RAB33B: variants seen among roughly 807,000 people sequenced by gnomAD.
RAB33B encodes ras-related protein Rab-33B.
RAB33B carries 6 observed loss-of-function variants against 15.0 expected under a neutral mutation model. The ratio of observed to expected loss-of-function variants is 0.40; its 90% confidence interval spans 0.22 to 0.79. RAB33B has a LOEUF of 0.79. RAB33B is among the 30% of genes least tolerant of loss of function. The pLI, the probability that RAB33B is intolerant of heterozygous loss-of-function variation, is 0.37. For missense variants in RAB33B, 257 were observed against 296.4 expected (o/e 0.87, Z 0.98); for synonymous variants, 117 against 108.3 (o/e 1.08, Z -0.50).
At chr4:139,459,385 A>G (rs988272499) in intron 1 of RAB33B, among the ~76,000 whole-genome samples, 1 of 152,124 alleles carries the variant, frequency 6.6e-6, no homozygotes, top group Non-Finnish European at 1.5e-5. Context: ...CTAGTAAGCC[A>G]TGATCACACC....
chr4:139,450,286 T>C (rs1749893873), upstream of RAB33B: 1 of 152,248 alleles, frequency 6.6e-6, no homozygotes, highest in South Asian at 2.1e-4. Context: ...ATTAAAGCCC[T>C]AGTATGATGT....
upstream of RAB33B, chr4:139,448,863 A>G (rs529034759): frequency 6.6e-6 from 1 of 152,390 alleles, no homozygotes; most frequent in East Asian, 1.9e-4. Flanking sequence ...TAAGTGCACG[A>G]GTTTAAGTGC....
the RAB33B span, among the ~76,000 whole-genome samples, chr4:139,448,124 T>C: frequency 6.6e-6 from 1 of 152,198 alleles, no homozygotes; most frequent in East Asian, 1.9e-4. Context: ...TGTCTCTTAG[T>C]ATTACCATGC....
chr4:139,471,855 TTTA>T (rs1484989292), intron 1 of RAB33B, among the ~76,000 whole-genome samples: 2 of 152,250 alleles, frequency 1.3e-5, no homozygotes, highest in East Asian at 3.8e-4. Flanking sequence ...AGCTCTTAAA[TTTA>T]GGTCTTTGAT....
the RAB33B span, among the ~76,000 whole-genome samples, chr4:139,446,077 A>G: frequency 1.6e-4 from 25 of 152,198 alleles, no homozygotes; most frequent in African/African-American, 5.3e-4. Context: ...GCATTCCATC[A>G]TCAAATGGAA....
chr4:139,461,269 A>G (rs1436681693), intron 1 of RAB33B, among the ~76,000 whole-genome samples: 1 of 152,172 alleles, frequency 6.6e-6, no homozygotes, highest in Non-Finnish European at 1.5e-5. Flanking sequence ...GTGAATGGAA[A>G]GCAGGGGAGG....
the RAB33B span, among the ~76,000 whole-genome samples, chr4:139,441,323 C>A: frequency 1.3e-5 from 2 of 152,174 alleles, no homozygotes; most frequent in Admixed American, 6.5e-5. Flanking sequence ...AGGGGAGTTA[C>A]AGAGACACAT....
chr4:139,472,608 A>G (rs948292023), intron 1 of RAB33B, 78 bp from the exon 2 acceptor site: 1 of 1,048,918 alleles, frequency 9.5e-7, no homozygotes, highest in South Asian at 1.6e-5. Context: ...AATAAAGACA[A>G]TGCAAGATGA....
At position 139,473,890 on chromosome 4, in the gene RAB33B, G is replaced by A. The variant is rs886059081; in HGVS notation, c.*764G>A. On this transcript the variant is annotated 3_prime_UTR_variant, in exon 2 of 2. Transcript: ENST00000305626. ...TTATTATTTTAAAAGAGTTATTTGA[G>A]TTTCTTTCTTTCTTTTTTTTTTTTT... 28 of 142,808 alleles carry A rather than the reference G, an allele frequency of 2.0e-4. No individual in the cohort carries two copies. The highest frequency in any genetic ancestry group is 7.0e-4 in the African/African-American group (27 of 38,620). The allele number at this position is 142,808 out of a possible 1,614,324, so 8.8% of individuals were successfully genotyped here.
intron 1 of RAB33B, among the ~76,000 whole-genome samples, chr4:139,468,885 C>T (rs904268680): frequency 1.3e-5 from 2 of 152,228 alleles, no homozygotes; most frequent in Admixed American, 6.5e-5. Context: ...TCATGCCACT[C>T]TCTCCTGGCC....
upstream of RAB33B, chr4:139,450,609 A>C (rs764421060): frequency 3.9e-5 from 6 of 152,232 alleles, no homozygotes; most frequent in Non-Finnish European, 8.8e-5. Context: ...GATAAAATAA[A>C]CATCCTACAA....
At chr4:139,452,426 C>T (rs376872931), upstream of RAB33B, 4 of 152,162 alleles carry the variant, frequency 2.6e-5, no homozygotes, top group African/African-American at 9.7e-5. Context: ...TTTCACCATC[C>T]TTGAAATTCT....
intron 1 of RAB33B, among the ~76,000 whole-genome samples, chr4:139,458,374 TTATTTTGTCACCCACA>T (rs1339912636): frequency 2.6e-5 from 4 of 152,192 alleles, no homozygotes; most frequent in Admixed American, 2.6e-4. Context: ...GGTGTACAGA[TTATTTTGTCACCCACA>T]TATTTTGTCA....
chr4:139,468,192 CAA>C (rs1415546752), intron 1 of RAB33B, among the ~76,000 whole-genome samples: 1 of 152,164 alleles, frequency 6.6e-6, no homozygotes, highest in African/African-American at 2.4e-5. Flanking sequence ...TGGCAGCAGA[CAA>C]GAGAAGAGAG....
At chr4:139,454,109 G>T, upstream of RAB33B, 1 of 1,470,062 alleles carries the variant, frequency 6.8e-7, no homozygotes, top group Non-Finnish European at 9.1e-7. Flanking sequence ...CGAACTGGCC[G>T]GCTGGGCGCG....
Position 139,472,891 on chromosome 4 carries a change from TG to T in RAB33B, c.456del (p.Arg153GlufsTer41), listed in dbSNP as rs1309642185. On this transcript the variant is annotated frameshift_variant, in exon 2 of 2. Coordinates refer to ENST00000305626, the MANE Select transcript of RAB33B (RefSeq NM_031296.3). LOFTEE classifies it high-confidence loss of function. ...ATTCTTGTTGGAAATAAATGTGACTTGAGAAGTGCCATACAGGTACCCACAG... is the reference window on the plus strand; with the variant it reads ...ATTCTTGTTGGAAATAAATGTGACTTAGAAGTGCCATACAGGTACCCACAG... ...PRILVGNKCDLRSAIQVPTDL... is the reference protein window; with the variant it reads ...PRILVGNKCDXRSAIQVPTDL... 6.2e-7 allele frequency: 1 copy of T among 1,614,054 alleles called. No individual in the cohort carries two copies. Among genetic ancestry groups the T allele is most frequent in the African/African-American group, 1.3e-5 (1 of 74,904 alleles).
chr4:139,445,086 G>A, the RAB33B span, among the ~76,000 whole-genome samples: 1 of 152,214 alleles, frequency 6.6e-6, no homozygotes, highest in Non-Finnish European at 1.5e-5. Flanking sequence ...TAACCAAGTG[G>A]TGACTCCAAT....
the RAB33B span, among the ~76,000 whole-genome samples, chr4:139,440,725 G>A: frequency 2.0e-5 from 3 of 151,646 alleles, no homozygotes; most frequent in Admixed American, 6.6e-5. Context: ...TGGTTCTCCT[G>A]CCTCAGCCTC....
At chr4:139,462,087 T>C (rs1452837899) in intron 1 of RAB33B, among the ~76,000 whole-genome samples, 2 of 145,132 alleles carry the variant, frequency 1.4e-5, no homozygotes, top group African/African-American at 5.1e-5. Flanking sequence ...GGAGTCTCGC[T>C]CTGTCGCCCA....
Sources: allele counts gnomAD v4.1 joint callset (sites outside exome capture counted in the v4.1 genomes callset), GRCh38; gene constraint gnomAD v4.1.1; transcripts MANE v1.5; gene names NCBI Gene and HGNC (gene_info 2026-07-23, HGNC 2026-07-21).